The following RANBP2 variants were observed in gnomAD, a reference collection of about 807,000 sequenced individuals.
RANBP2 encodes RAN binding protein 2.
In RANBP2, 57 loss-of-function variants were observed where a neutral mutation model predicts 303.6. That is an observed-to-expected ratio of 0.19 (90% confidence interval 0.15 to 0.23). The LOEUF (loss-of-function observed/expected upper bound fraction) is 0.23. RANBP2 is among the 10% of genes least tolerant of loss of function. RANBP2 has a pLI of 1.00. For missense variants in RANBP2, 3,138 were observed against 3,780.8 expected, an observed-to-expected ratio of 0.83 and a Z score of 4.46; for synonymous variants, 1,167 against 1,301.5, an observed-to-expected ratio of 0.90 and a Z score of 2.23.
At chr2:108,898,154 G>A in the RANBP2 span, among the ~76,000 whole-genome samples, 1 of 152,086 alleles carries the variant, frequency 6.6e-6, no homozygotes, top group Non-Finnish European at 1.5e-5. Context: ...GAAAAACTGT[G>A]TCCCCACTCT....
chr2:109,424,843 T>C, the RANBP2 span, among the ~76,000 whole-genome samples: 1 of 152,212 alleles, frequency 6.6e-6, no homozygotes, highest in East Asian at 1.9e-4. Context: ...TAACGCTAAG[T>C]GACCTCTAAG....
At chr2:109,410,522 G>A in the RANBP2 span, among the ~76,000 whole-genome samples, 1 of 152,204 alleles carries the variant, frequency 6.6e-6, no homozygotes. Flanking sequence ...CCTACCTGTA[G>A]CCCTGCCAGC....
the RANBP2 span, among the ~76,000 whole-genome samples, chr2:109,140,521 C>A: frequency 6.6e-6 from 1 of 152,032 alleles, no homozygotes; most frequent in Non-Finnish European, 1.5e-5. Flanking sequence ...GCTGGGACTA[C>A]AGGCGCCCAC....
chr2:108,850,122 T>G, the RANBP2 span, among the ~76,000 whole-genome samples: 19 of 152,202 alleles, frequency 1.2e-4, no homozygotes, highest in African/African-American at 4.1e-4. Context: ...TATTTATCCT[T>G]TATCGTTAAA....
chr2:109,214,448 TA>T, the RANBP2 span, among the ~76,000 whole-genome samples: 83 of 128,956 alleles, frequency 6.4e-4, 1 homozygote, highest in African/African-American at 2.1e-3. Flanking sequence ...CTTAAAGTAT[TA>T]AAAAAAAAGA....
the RANBP2 span, among the ~76,000 whole-genome samples, chr2:109,375,403 A>G: frequency 2.0e-5 from 3 of 152,200 alleles, no homozygotes; most frequent in African/African-American, 7.2e-5. Context: ...GCCCCTTGCC[A>G]GGAGCCTAGG....
chr2:109,129,039 G>A, the RANBP2 span: 43 of 414,570 alleles, frequency 1.0e-4, no homozygotes, highest in Admixed American at 7.6e-4. Flanking sequence ...GGAGGACAGC[G>A]ACTAGCGAGC....
At chr2:109,710,114 G>A in the RANBP2 span, among the ~76,000 whole-genome samples, 4 of 151,346 alleles carry the variant, frequency 2.6e-5, no homozygotes, top group African/African-American at 7.3e-5. Context: ...AGGTGTGGTC[G>A]CTCATGCATG....
At chr2:109,074,719 A>G in the RANBP2 span, among the ~76,000 whole-genome samples, 631 of 149,506 alleles carry the variant, frequency 4.2e-3, 20 homozygotes, top group Non-Finnish European at 6.5e-3. Flanking sequence ...TAATAATAAT[A>G]GTAATAATTA....
the RANBP2 span, among the ~76,000 whole-genome samples, chr2:109,774,499 CAT>C: frequency 0.33 from 557 of 1,706 alleles, 168 homozygotes; most frequent in African/African-American, 0.61. Flanking sequence ...CAAAAACAAA[CAT>C]ATATATATAT....
At chr2:109,262,156 T>G in the RANBP2 span, among the ~76,000 whole-genome samples, 1 of 152,242 alleles carries the variant, frequency 6.6e-6, no homozygotes, top group Non-Finnish European at 1.5e-5. Context: ...AGTGCTGGGG[T>G]CTTTCCTGTT....
the RANBP2 span, among the ~76,000 whole-genome samples, chr2:109,468,714 C>T: frequency 6.6e-6 from 1 of 151,774 alleles, no homozygotes; most frequent in African/African-American, 2.4e-5. Flanking sequence ...ATGAGCCAGG[C>T]ATGGTGGCGG....
chr2:108,824,112 G>C, the RANBP2 span, among the ~76,000 whole-genome samples: 2 of 151,930 alleles, frequency 1.3e-5, no homozygotes, highest in African/African-American at 2.4e-5. Flanking sequence ...AGACATGCAG[G>C]CTACAGTAAA....
At chr2:109,512,039 G>C in the RANBP2 span, among the ~76,000 whole-genome samples, 1 of 152,168 alleles carries the variant, frequency 6.6e-6, no homozygotes, top group African/African-American at 2.4e-5. Flanking sequence ...CATCTCCAGG[G>C]CACACAGGAG....
chr2:108,758,262 A>G, intron 17 of RANBP2, 151 bp from the exon 18 acceptor site: 2 of 1,305,796 alleles, frequency 1.5e-6, no homozygotes, highest in South Asian at 1.6e-5. Flanking sequence ...GTGCCATTGC[A>G]CTCCAGCCTG....
chr2:109,121,684 C>G, the RANBP2 span, among the ~76,000 whole-genome samples: 1 of 152,192 alleles, frequency 6.6e-6, no homozygotes, highest in African/African-American at 2.4e-5. Context: ...AAAGACTTTA[C>G]TGCAGTTTCC....
At chr2:109,106,606 A>G in the RANBP2 span, among the ~76,000 whole-genome samples, 1 of 152,028 alleles carries the variant, frequency 6.6e-6, no homozygotes, top group Non-Finnish European at 1.5e-5. Context: ...GGAGGCTAAG[A>G]TGGGTGGATC....
chr2:109,360,201 G>A, the RANBP2 span, among the ~76,000 whole-genome samples: 12 of 152,126 alleles, frequency 7.9e-5, no homozygotes, highest in Admixed American at 1.3e-4. Flanking sequence ...CTACTGTGCC[G>A]CTTAGTTACT....
At chr2:108,815,207 T>C in the RANBP2 span, among the ~76,000 whole-genome samples, 4 of 152,148 alleles carry the variant, frequency 2.6e-5, no homozygotes, top group Non-Finnish European at 5.9e-5. Context: ...AAAGATAAGT[T>C]TCATAGTGGA....
Sources: gnomAD v4.1 joint callset for allele counts (sites outside exome capture counted in the v4.1 genomes callset) on GRCh38, gnomAD v4.1.1 for gene constraint, MANE v1.5 for transcripts, NCBI Gene and HGNC (gene_info 2026-07-23, HGNC 2026-07-21) for gene names.